Variants in SLC7A7 observed in about 807,000 individuals in gnomAD.
SLC7A7 encodes the protein Y+L amino acid transporter 1.
A neutral mutation model predicts 47.9 loss-of-function variants in SLC7A7; 39 were observed. The observed-to-expected ratio is 0.81, with a 90% CI of 0.63 to 1.06. The LOEUF is 1.06. SLC7A7 is among the 50% of genes least tolerant of loss of function. The pLI is 0.00. For missense variants in SLC7A7, 588 were observed against 632.0 expected, an observed-to-expected ratio of 0.93 and a Z score of 0.75; for synonymous variants, 234 against 242.8, an observed-to-expected ratio of 0.96 and a Z score of 0.34.
chr14:22,784,814 C>T (rs2038785469), intron 2 of SLC7A7, among the ~76,000 whole-genome samples: 1 of 152,144 alleles, frequency 6.6e-6, no homozygotes, highest in African/African-American at 2.4e-5. Flanking sequence ...CAGGCCCACT[C>T]TGGATCAGAT....
chr14:22,777,347 G>T (rs1327327390), intron 4 of SLC7A7, among the ~76,000 whole-genome samples: 2 of 152,132 alleles, frequency 1.3e-5, no homozygotes, highest in Non-Finnish European at 2.9e-5. Context: ...GAGGCAAATT[G>T]TGAAATTTAA....
intron 2 of SLC7A7, among the ~76,000 whole-genome samples, chr14:22,787,351 G>A (rs1035411625): frequency 7.9e-5 from 12 of 152,108 alleles, no homozygotes; most frequent in African/African-American, 1.7e-4. Flanking sequence ...CAGGAGAATC[G>A]CTTGAACCCA....
chr14:22,817,603 A>C (rs185374764), upstream of SLC7A7, among the ~76,000 whole-genome samples: 300 of 152,264 alleles, frequency 2.0e-3, 2 homozygotes, highest in African/African-American at 6.8e-3. Flanking sequence ...GGCCTCCCAA[A>C]GTGCTAGGAT....
intron 2 of SLC7A7, among the ~76,000 whole-genome samples, chr14:22,781,227 C>A (rs773877332): frequency 6.6e-6 from 1 of 152,190 alleles, no homozygotes; most frequent in African/African-American, 2.4e-5. Context: ...AGGCCACCAA[C>A]ACAGTCAGAA....
At chr14:22,788,609 C>A (rs1450072956) in intron 2 of SLC7A7, among the ~76,000 whole-genome samples, 1 of 150,724 alleles carries the variant, frequency 6.6e-6, no homozygotes, top group Non-Finnish European at 1.5e-5. Flanking sequence ...GAGGCTGAGG[C>A]AGGAGAATCG....
rs1427778802 is a variant in SLC7A7 at position 22,802,420 on chromosome 14, A to C, written c.499+10480T>G. On this transcript the variant is annotated intron_variant, in intron 2 of 9. Transcript: ENST00000674313. Reference sequence around the variant, plus strand: ...TCTGTCTCAAAACAACAACAACAACAACCAAACAAACAAACAAAAAAAATA... The same window carrying C: ...TCTGTCTCAAAACAACAACAACAACCACCAAACAAACAAACAAAAAAAATA... Among the ~76,000 whole-genome samples the C allele has an allele frequency of 8.6e-5, 7 of 81,562 alleles. No individual in the cohort carries two copies. The East Asian group carries it at 1.1e-3, about 12-fold the overall frequency. The allele number at this position is 81,562 out of a possible 152,430, so 53.5% of individuals were successfully genotyped here.
At chr14:22,814,977 C>G (rs1051357158) in intron 1 of SLC7A7, 2 of 230,128 alleles carry the variant, frequency 8.7e-6, no homozygotes, top group Non-Finnish European at 1.8e-5. Flanking sequence ...ACATCAGCAT[C>G]GTTGAATCAC....
rs145764321 is a variant in SLC7A7, at chr14:22,781,271, C to T, written c.500-1220G>A. Among the ~76,000 whole-genome samples, 244 of 152,244 alleles carry T rather than the reference C, an allele frequency of 1.6e-3. 1 individual carries two copies. The highest frequency in any genetic ancestry group is 5.7e-3 in the African/African-American group (238 of 41,528). Reference sequence around the variant, plus strand: ...TGAGTTCTCCTGGCAGTGGTGTGGCCTTGGTGTCGCTAGTCCTCCTATTTT... The same window carrying T: ...TGAGTTCTCCTGGCAGTGGTGTGGCTTTGGTGTCGCTAGTCCTCCTATTTT... On this transcript the variant is annotated intron_variant, in intron 2 of 9. Transcript: ENST00000674313.
rs895907333 is a variant in SLC7A7 at position 22,815,393 on chromosome 14, T to C, written c.-116A>G. On this transcript the variant is annotated 5_prime_UTR_variant, in exon 1 of 10. Coordinates refer to ENST00000674313, the MANE Select transcript of SLC7A7 (RefSeq NM_003982.4). ...TCAGGGAGAGAAGTGCCTTCCAGGATCTGTGGTCTGATGCTCCTCCTTCCC... is the reference window on the plus strand; with the variant it reads ...TCAGGGAGAGAAGTGCCTTCCAGGACCTGTGGTCTGATGCTCCTCCTTCCC... 6.6e-6 allele frequency: 3 copies of C among 454,458 alleles called. No homozygotes were observed. The highest frequency in any genetic ancestry group is 1.3e-5 in the Non-Finnish European group (3 of 226,788). The allele number at this position is 454,458 out of a possible 1,614,324, so 28.2% of individuals were successfully genotyped here.
At chr14:22,814,098 G>A (rs1003311672) in intron 1 of SLC7A7, among the ~76,000 whole-genome samples, 1 of 151,520 alleles carries the variant, frequency 6.6e-6, no homozygotes, top group African/African-American at 2.4e-5. Context: ...CCTCCAACTT[G>A]AATTTTTAAG....
chr14:22,802,519 C>T (rs2039134184), intron 2 of SLC7A7, among the ~76,000 whole-genome samples: 2 of 151,412 alleles, frequency 1.3e-5, no homozygotes, highest in African/African-American at 2.4e-5. Flanking sequence ...TGGCACAAAA[C>T]TTACAAGATG....
chr14:22,804,603 A>C (rs1427640335), intron 2 of SLC7A7, among the ~76,000 whole-genome samples: 1 of 152,214 alleles, frequency 6.6e-6, no homozygotes, highest in Non-Finnish European at 1.5e-5. Flanking sequence ...GCCAACAAAC[A>C]TGAAAAAAAG....
intron 2 of SLC7A7, among the ~76,000 whole-genome samples, chr14:22,811,364 C>A (rs2039302847): frequency 6.6e-6 from 1 of 152,166 alleles, no homozygotes; most frequent in Non-Finnish European, 1.5e-5. Context: ...GGGTGGAAGG[C>A]ATCTCTAAGG....
intron 2 of SLC7A7, among the ~76,000 whole-genome samples, chr14:22,792,867 A>AAGAAAGAGAG (rs1555323603): frequency 3.3e-4 from 40 of 122,552 alleles, no homozygotes; most frequent in Admixed American, 7.2e-4. Context: ...CAAAGAAAGA[A>AAGAAAGAGAG]AGAGAGAGAG....
At chr14:22,797,693 GA>G (rs1438794147) in intron 2 of SLC7A7, among the ~76,000 whole-genome samples, 1 of 152,168 alleles carries the variant, frequency 6.6e-6, no homozygotes, top group African/African-American at 2.4e-5. Flanking sequence ...TCCTGACAGA[GA>G]GGGCAAAACG....
intron 2 of SLC7A7, among the ~76,000 whole-genome samples, chr14:22,794,043 A>G (rs990515080): frequency 2.0e-5 from 3 of 152,046 alleles, no homozygotes; most frequent in Non-Finnish European, 4.4e-5. Context: ...CTGTGATTTC[A>G]TCTCTAACTA....
At chr14:22,781,352 C>G (rs908600678) in intron 2 of SLC7A7, among the ~76,000 whole-genome samples, 6 of 152,298 alleles carry the variant, frequency 3.9e-5, no homozygotes, top group Non-Finnish European at 7.4e-5. Context: ...GCAGGGAAGT[C>G]TGGCCTCTCA....
chr14:22,777,871 C>T (rs566388019), intron 4 of SLC7A7, among the ~76,000 whole-genome samples: 41 of 152,156 alleles, frequency 2.7e-4, no homozygotes, highest in Non-Finnish European at 5.4e-4. Context: ...GTCAGGAGTT[C>T]GAGACCAGCC....
chr14:22,806,594 C>T (rs1011045217), intron 2 of SLC7A7, among the ~76,000 whole-genome samples: 4 of 152,168 alleles, frequency 2.6e-5, no homozygotes, highest in African/African-American at 4.8e-5. Flanking sequence ...CACACCTGTC[C>T]AAGCTCAAAT....
Sources: gnomAD v4.1 joint callset for allele counts (sites outside exome capture counted in the v4.1 genomes callset) on GRCh38, gnomAD v4.1.1 for gene constraint, MANE v1.5 for transcripts, NCBI Gene and HGNC (gene_info 2026-07-23, HGNC 2026-07-21) for gene names.